Variants in CPSF4 observed in about 807,000 individuals in gnomAD.
CPSF4 encodes the protein cleavage and polyadenylation specificity factor subunit 4.
In CPSF4, 11 loss-of-function variants were observed where a neutral mutation model predicts 37.7. The ratio of observed to expected loss-of-function variants is 0.29; its 90% CI spans 0.18 to 0.48. CPSF4 has a LOEUF of 0.48. Among genes scored for constraint, CPSF4 ranks in the 20% least tolerant of loss-of-function variants. CPSF4 has a pLI of 0.99. For missense variants in CPSF4, 144 were observed against 359.5 expected, an observed-to-expected ratio of 0.40 and a Z score of 4.85; for synonymous variants, 132 against 135.9, an observed-to-expected ratio of 0.97 and a Z score of 0.20.
intron 2 of CPSF4, among the ~76,000 whole-genome samples, chr7:99,447,259 CTTTTTTTTTTTCTT>C (rs1797588898): frequency 9.5e-6 from 1 of 105,196 alleles, no homozygotes; most frequent in African/African-American, 6.6e-5. Context: ...AAGTTCCTTT[CTTTTTTTTTTTCTT>C]TTTTTTTTTT....
intron 1 of CPSF4, among the ~76,000 whole-genome samples, chr7:99,440,043 T>TAGA (rs1796752813): frequency 1.3e-5 from 2 of 152,232 alleles, no homozygotes; most frequent in African/African-American, 4.8e-5. Flanking sequence ...CCAGTAGTTT[T>TAGA]CTTTGTGTCT....
chr7:99,443,772 T>C (rs1240832655), intron 1 of CPSF4, among the ~76,000 whole-genome samples: 1 of 151,388 alleles, frequency 6.6e-6, no homozygotes, highest in Admixed American at 6.6e-5. Flanking sequence ...TACAAAAAAA[T>C]TGGGCAGGCA....
At chr7:99,440,131 A>G (rs1796760234) in intron 1 of CPSF4, among the ~76,000 whole-genome samples, 1 of 152,194 alleles carries the variant, frequency 6.6e-6, no homozygotes, top group Non-Finnish European at 1.5e-5. Flanking sequence ...ACTGAGTTCA[A>G]TCCACAGATG....
rs115205187 is a variant in CPSF4, at chr7:99,456,782, G to A, written c.*282G>A. On this transcript the variant is annotated 3_prime_UTR_variant, in exon 8 of 8. Transcript: ENST00000292476. Reference sequence around the variant, plus strand: ...CCCGGCACAACTCCCCTCATCCAGGGAGGGAGGCAGCTGCTGGGGAGGGGC... The same window carrying A: ...CCCGGCACAACTCCCCTCATCCAGGAAGGGAGGCAGCTGCTGGGGAGGGGC... 5.0e-3 allele frequency: 2,573 copies of A among 510,182 alleles called. 46 individuals are homozygous for A. The highest frequency in any genetic ancestry group is 0.044 in the African/African-American group (2,309 of 51,954). 31.6% of individuals were successfully genotyped at this position (510,182 alleles called of 1,614,324 possible). A position where few individuals can be genotyped will look rare whatever the true frequency, so the allele number is the denominator to read the frequency against.
Position 99,454,139 on chromosome 7 carries a change from G to A in CPSF4, c.741+3G>A. 1 of 1,612,328 alleles carries A rather than the reference G, an allele frequency of 6.2e-7. No individual in the cohort carries two copies. Among genetic ancestry groups the A allele is most frequent in the Non-Finnish European group, 8.5e-7 (1 of 1,178,892 alleles). On this transcript the variant is annotated splice_donor_region_variant and intron_variant, in intron 7 of 7. Transcript: ENST00000292476. ...TGGAGCAGGTCACCTGTTACAAGGT[G>A]AGTCCCTGGGCTGGGGGACAGGGTG...
intron 3 of CPSF4, 131 bp from the exon 4 acceptor site, chr7:99,450,143 CAG>C: frequency 1.4e-6 from 1 of 697,540 alleles, no homozygotes; most frequent in East Asian, 2.7e-5. Flanking sequence ...AGCTGGGGCT[CAG>C]AAACACTCTT....
intron 2 of CPSF4, chr7:99,447,683 G>A (rs994413020): frequency 3.9e-5 from 13 of 330,986 alleles, no homozygotes; most frequent in Non-Finnish European, 6.8e-5. Flanking sequence ...TCCGCCTCCC[G>A]GGTTCACGCT....
In CPSF4 at chr7:99,453,982, C is replaced by T; in HGVS notation, c.587C>T (p.Pro196Leu). 6.2e-7 allele frequency: 1 copy of T among 1,613,980 alleles called. No individual in the cohort carries two copies. The highest frequency in any genetic ancestry group is 8.5e-7 in the Non-Finnish European group (1 of 1,179,940). ...QPPAKQSNNP[P>L]LQRSSSLIQL... Reference sequence around the variant, plus strand: ...TCTTTCCAGCAAAGTAACAATCCGCCATTACAAAGGTCGTCCTCCTTGATC... The same window carrying T: ...TCTTTCCAGCAAAGTAACAATCCGCTATTACAAAGGTCGTCCTCCTTGATC... The change falls in exon 7 of 8, where the codon CCA becomes CTA. Residue 196 changes from proline to leucine, a missense_variant. Transcript: ENST00000292476. The surrounding 1 kb of genome is among the most constrained non-coding windows in gnomAD (Gnocchi z 4.7).
At chr7:99,447,749 G>A (rs770618617) in intron 2 of CPSF4, 5 of 431,106 alleles carry the variant, frequency 1.2e-5, no homozygotes, top group South Asian at 1.6e-5. Context: ...GCCACCATGC[G>A]CGGCTAATTT....
intron 5 of CPSF4, 170 bp downstream of exon 5, chr7:99,450,965 T>C: frequency 1.7e-6 from 1 of 597,346 alleles, no homozygotes; most frequent in Non-Finnish European, 3.0e-6. Context: ...CACCAATGCT[T>C]CCTGAGCCCG....
chr7:99,442,181 T>C, intron 1 of CPSF4, among the ~76,000 whole-genome samples: 1 of 152,178 alleles, frequency 6.6e-6, no homozygotes, highest in East Asian at 1.9e-4. Flanking sequence ...AATTCTAAAA[T>C]GGTTACTTGT....
chr7:99,439,967 C>T (rs1796742822), intron 1 of CPSF4, among the ~76,000 whole-genome samples: 1 of 152,164 alleles, frequency 6.6e-6, no homozygotes, highest in South Asian at 2.1e-4. Flanking sequence ...TCACTGCTCC[C>T]CTTCATATGG....
At chr7:99,446,749 A>T (rs1156613016) in intron 2 of CPSF4, among the ~76,000 whole-genome samples, 1 of 125,168 alleles carries the variant, frequency 8.0e-6, no homozygotes, top group Non-Finnish European at 1.6e-5. Context: ...CCAGGACTAC[A>T]GGTGTACACC....
chr7:99,450,492 G>T, intron 4 of CPSF4, 121 bp downstream of exon 4: 2 of 778,844 alleles, frequency 2.6e-6, no homozygotes, highest in Non-Finnish European at 2.1e-6. Context: ...TGCAGCTAGC[G>T]GCTTTCTCAC....
chr7:99,441,336 C>A (rs369799768), intron 1 of CPSF4: 60 of 450,184 alleles, frequency 1.3e-4, no homozygotes, highest in African/African-American at 1.1e-3. Context: ...CTTCTGCCAT[C>A]TGACACATCC....
In CPSF4 at chr7:99,456,616, G is replaced by A. The variant is rs761076192; in HGVS notation, c.*116G>A. On this transcript the variant is annotated 3_prime_UTR_variant, in exon 8 of 8. Coordinates refer to ENST00000292476, the MANE Select transcript of CPSF4 (RefSeq NM_006693.4). ...GCTCGAGCTGGCCCGCAGACACGTG[G>A]GTTTCATCACTCTGAGGGGCCACGT... 8.3e-6 allele frequency: 7 copies of A among 840,210 alleles called. No individual in the cohort carries two copies. Among genetic ancestry groups the A allele is most frequent in the African/African-American group, 1.7e-5 (1 of 60,188 alleles). 52.0% of individuals were successfully genotyped at this position (840,210 alleles called of 1,614,324 possible). A position where few individuals can be genotyped will look rare whatever the true frequency, so the allele number is the denominator to read the frequency against.
intron 7 of CPSF4, among the ~76,000 whole-genome samples, chr7:99,455,423 G>T (rs575850292): frequency 6.6e-6 from 1 of 152,342 alleles, no homozygotes; most frequent in African/African-American, 2.4e-5. Flanking sequence ...AGGGACAGCT[G>T]GGTGCGGTGG....
At position 99,450,775 on chromosome 7, in the gene CPSF4, G is replaced by T. The variant is rs768876531; in HGVS notation, c.477G>T (p.Gly159=). The part of the protein sequence containing the change: ...VNYLVGFCPE[G]PSCKFMHPRF... ...ACCTCGTGGGATTCTGCCCGGAGGG[G>T]CCCTCGTGTAAATTCATGCAGTGAG... Residue 159 remains glycine (G), a synonymous_variant, in exon 5 of 8, where the codon GGG becomes GGT. Transcript: ENST00000292476. 1.9e-6 allele frequency: 3 copies of T among 1,613,686 alleles called. No individual in the cohort carries two copies. Among genetic ancestry groups the T allele is most frequent in the Non-Finnish European group, 2.5e-6 (3 of 1,179,804 alleles).
intron 2 of CPSF4, among the ~76,000 whole-genome samples, chr7:99,446,740 C>G (rs1390329553): frequency 1.5e-5 from 2 of 137,026 alleles, no homozygotes; most frequent in African/African-American, 2.8e-5. Context: ...CCTCAGTAGC[C>G]AGGACTACAG....
Sources: gnomAD v4.1 joint callset for allele counts (sites outside exome capture counted in the v4.1 genomes callset) on GRCh38, gnomAD v4.1.1 for gene constraint, Gnocchi (gnomAD v3.1) non-coding constraint, MANE v1.5 for transcripts, NCBI Gene and HGNC (gene_info 2026-07-23, HGNC 2026-07-21) for gene names.